The following MAGED1 variants were observed in gnomAD, a reference collection of about 807,000 sequenced individuals.
MAGED1 encodes melanoma-associated antigen D1.
MAGED1 carries 3 observed loss-of-function variants against 54.1 expected under a neutral mutation model. The ratio of observed to expected loss-of-function variants is 0.06; its 90% CI spans 0.03 to 0.14. MAGED1 has a LOEUF of 0.14. Among genes scored for constraint, MAGED1 ranks in the 10% least tolerant of loss-of-function variants. MAGED1 has a pLI of 1.00. For synonymous variants in MAGED1, 217 were observed against 227.3 expected (o/e 0.95, Z 0.41); for missense variants, 485 against 623.4 (o/e 0.78, Z 2.36).
At chrX:51,873,532 T>TGA (rs782364762) in intron 1 of MAGED1, among the ~76,000 whole-genome samples, 24 of 28,693 alleles carry the variant, frequency 8.4e-4, no homozygotes, top group African/African-American at 2.2e-3. Context: ...TGTGTGTGTG[T>TGA]GTGAGAGAGA....
chrX:51,871,845 G>A (rs782187168), intron 1 of MAGED1, among the ~76,000 whole-genome samples: 8 of 111,627 alleles, frequency 7.2e-5, no homozygotes, highest in South Asian at 3.8e-4. Flanking sequence ...CTGAGGAATC[G>A]CCACACCGAC....
At chrX:51,843,353 G>T (rs1926576927) in intron 1 of MAGED1, among the ~76,000 whole-genome samples, 1 of 111,757 alleles carries the variant, frequency 8.9e-6, no homozygotes. Context: ...ATTAGGATGG[G>T]CCCAATGTGA....
intron 1 of MAGED1, among the ~76,000 whole-genome samples, chrX:51,815,626 G>T (rs1925388238): frequency 9.2e-6 from 1 of 109,278 alleles, no homozygotes; most frequent in African/African-American, 3.3e-5. Flanking sequence ...GGGTTCAAGC[G>T]ATTCTCCTGC....
intron 1 of MAGED1, among the ~76,000 whole-genome samples, chrX:51,820,379 TAAC>T (rs1457810831): frequency 8.9e-6 from 1 of 112,022 alleles, no homozygotes; most frequent in East Asian, 2.8e-4. Context: ...ATTGCCATCT[TAAC>T]AATATTAAAT....
chrX:51,853,021 T>C (rs1329332897), intron 1 of MAGED1, among the ~76,000 whole-genome samples: 3 of 111,773 alleles, frequency 2.7e-5, no homozygotes, highest in Non-Finnish European at 5.6e-5. Context: ...GTCTCTTACC[T>C]TCTTTTTTGT....
intron 1 of MAGED1, among the ~76,000 whole-genome samples, chrX:51,831,759 C>T (rs1926077571): frequency 9.0e-6 from 1 of 111,657 alleles, no homozygotes; most frequent in Non-Finnish European, 1.9e-5. Context: ...TACAGAGTTT[C>T]CAAAAGATAA....
Position 51,900,214 on chromosome X carries a change from A to G in MAGED1, c.1877A>G (p.Asn626Ser). The G allele has an allele frequency of 8.3e-7, 1 of 1,206,452 alleles. No individual in the cohort carries two copies. The highest frequency in any genetic ancestry group is 1.1e-6 in the Non-Finnish European group (1 of 893,380). The stretch of plus-strand genomic sequence containing the variant: ...GACTACAGACGAGTGCCCAACAGCA[A>G]CCCCCCGGAGTATGAGTTCCTCTGG... ...YLDYRRVPNS[N>S]PPEYEFLWGL... The change falls in exon 11 of 13, where the codon AAC becomes AGC. Residue 626 changes from asparagine (N) to serine (S), a missense_variant. Physicochemically the swap from Asn to Ser is conservative, Grantham distance 46. Around this residue, in one of 2 missense-constraint regions of MAGED1, gnomAD observed 186 missense variants for 330.3 expected, o/e 0.56. Transcript: ENST00000326587.
Position 51,895,470 on chromosome X carries a change from G to A in MAGED1, c.463G>A (p.Val155Met). ...CAAGGCCCAGAATGCCACTACTAAAGTGGGCCCAAATGCCACCTACAATTT... is the reference window on the plus strand; with the variant it reads ...CAAGGCCCAGAATGCCACTACTAAAATGGGCCCAAATGCCACCTACAATTT... ...AFKAQNATTK[V>M]GPNATYNFSQ... The change falls in exon 3 of 13, where the codon GTG becomes ATG. Residue 155 changes from valine to methionine, a missense_variant. Physicochemically the swap from Val to Met is conservative, Grantham distance 21 (BLOSUM62 1). Coordinates refer to ENST00000326587, the MANE Select transcript of MAGED1 (RefSeq NM_006986.4). 2.5e-6 allele frequency: 3 copies of A among 1,209,205 alleles called. No individual in the cohort carries two copies. The highest frequency in any genetic ancestry group is 3.4e-6 in the Non-Finnish European group (3 of 894,224).
intron 1 of MAGED1, among the ~76,000 whole-genome samples, chrX:51,870,271 A>G (rs1927619981): frequency 8.9e-6 from 1 of 112,239 alleles, no homozygotes; most frequent in Non-Finnish European, 1.9e-5. Flanking sequence ...TTATTTCACA[A>G]AAGTATTGGT....
chrX:51,824,783 CAT>C (rs1491073733), intron 1 of MAGED1, among the ~76,000 whole-genome samples: 16 of 76,255 alleles, frequency 2.1e-4, no homozygotes, highest in African/African-American at 2.6e-4. Flanking sequence ...TATATATACA[CAT>C]ATATATACGT....
At chrX:51,825,883 A>C (rs181950883) in intron 1 of MAGED1, among the ~76,000 whole-genome samples, 127 of 112,026 alleles carry the variant, frequency 1.1e-3, no homozygotes, top group African/African-American at 3.9e-3. Flanking sequence ...GTTTGCTCCA[A>C]GTGTTATCAT....
Position 51,896,436 on chromosome X carries a change from A to T in MAGED1, c.781A>T (p.Ser261Cys). The change falls in exon 4 of 13, where the codon AGC becomes TGC. Residue 261 changes from serine (S) to cysteine (C), a missense_variant. Coordinates refer to ENST00000326587, the MANE Select transcript of MAGED1 (RefSeq NM_006986.4). The stretch of plus-strand genomic sequence containing the variant: ...TAATAACTTGAATGTTGAAGAGAAC[A>T]GCAGTGGGGATCAGAGGCGGGCCCC... ...KINNLNVEEN[S>C]SGDQRRAPLA... 19 of 1,210,638 alleles carry T rather than the reference A, an allele frequency of 1.6e-5. No individual in the cohort carries two copies. Among genetic ancestry groups the T allele is most frequent in the Non-Finnish European group, 2.0e-5 (18 of 894,777 alleles).
intron 1 of MAGED1, among the ~76,000 whole-genome samples, chrX:51,879,265 C>A (rs797038699): frequency 9.0e-6 from 1 of 111,695 alleles, no homozygotes; most frequent in South Asian, 3.8e-4. Context: ...TTATGTACTT[C>A]CAAGTTTCTG....
At chrX:51,899,114 T>G (rs1277288541) in intron 10 of MAGED1, 1 of 113,128 alleles carries the variant, frequency 8.8e-6, no homozygotes, top group Non-Finnish European at 1.9e-5. Flanking sequence ...ATTTATTGCA[T>G]ATACTCCTCA....
At chrX:51,885,718 T>C (rs781936608) in intron 1 of MAGED1, among the ~76,000 whole-genome samples, 7 of 111,071 alleles carry the variant, frequency 6.3e-5, no homozygotes, top group East Asian at 5.7e-4. Flanking sequence ...TTAATAGTTA[T>C]AGGTCTTATA....
intron 1 of MAGED1, among the ~76,000 whole-genome samples, chrX:51,814,742 C>G (rs953358916): frequency 1.8e-5 from 2 of 110,122 alleles, no homozygotes; most frequent in African/African-American, 6.6e-5. Flanking sequence ...GCGTTACTCA[C>G]GTATTTATGG....
At chrX:51,808,582 G>A (rs1288163623) in intron 1 of MAGED1, among the ~76,000 whole-genome samples, 2 of 111,430 alleles carry the variant, frequency 1.8e-5, no homozygotes, top group Non-Finnish European at 3.8e-5. Context: ...GGTGGCATGT[G>A]CTTGTAGTCC....
intron 1 of MAGED1, among the ~76,000 whole-genome samples, chrX:51,834,041 G>A (rs1250350285): frequency 8.9e-6 from 1 of 111,751 alleles, no homozygotes; most frequent in Non-Finnish European, 1.9e-5. Flanking sequence ...AGAAATATAT[G>A]CATTCTTCTA....
intron 1 of MAGED1, among the ~76,000 whole-genome samples, chrX:51,852,384 A>T (rs1557359843): frequency 8.9e-6 from 1 of 112,198 alleles, no homozygotes; most frequent in African/African-American, 3.2e-5. Context: ...TGGGATTTGA[A>T]CATCTTGGGA....
Sources: gnomAD v4.1 joint callset for allele counts (sites outside exome capture counted in the v4.1 genomes callset) on GRCh38, gnomAD v4.1.1 for gene constraint, gnomAD v4.1.1 regional missense constraint, MANE v1.5 for transcripts, NCBI Gene and HGNC (gene_info 2026-07-23, HGNC 2026-07-21) for gene names.